SEPTIN9: variants seen among roughly 807,000 people sequenced by gnomAD.
SEPTIN9 encodes the protein septin 9, also known as septin-9.
A neutral mutation model predicts 56.6 loss-of-function variants in SEPTIN9; 13 were observed. That is an observed-to-expected ratio of 0.23 (90% CI 0.15 to 0.37). The LOEUF (loss-of-function observed/expected upper bound fraction) is 0.37. Among genes scored for constraint, SEPTIN9 ranks in the 10% least tolerant of loss-of-function variants. SEPTIN9 has a pLI of 1.00. For synonymous variants in SEPTIN9, 332 were observed against 334.1 expected, an observed-to-expected ratio of 0.99 and a Z score of 0.07; for missense variants, 650 against 823.1, an observed-to-expected ratio of 0.79 and a Z score of 2.57.
At chr17:77,414,572 C>CT (rs559525322) in intron 3 of SEPTIN9, among the ~76,000 whole-genome samples, 2,475 of 123,614 alleles carry the variant, frequency 0.02, 57 homozygotes, top group South Asian at 0.032. Context: ...TGTGTGGATT[C>CT]TTTTTTTTTT....
At chr17:77,489,229 C>T (rs544720272) in intron 7 of SEPTIN9, among the ~76,000 whole-genome samples, 2 of 152,294 alleles carry the variant, frequency 1.3e-5, no homozygotes, top group South Asian at 2.1e-4. Flanking sequence ...CCTTCTCATC[C>T]GGGCCCTGCC....
chr17:77,314,020 C>T (rs937136540), intron 2 of SEPTIN9, among the ~76,000 whole-genome samples: 2 of 152,110 alleles, frequency 1.3e-5, no homozygotes, highest in Admixed American at 6.5e-5. Flanking sequence ...GGCAACATGA[C>T]GAGACCCCGT....
At position 77,389,003 on chromosome 17, in the gene SEPTIN9, C is replaced by G. The variant is rs1048721477; in HGVS notation, c.77-13056C>G. The stretch of plus-strand genomic sequence containing the variant: ...TTGTCCGGGAGGCTGGACCCTCACA[C>G]CGATGCTGCCTGTGCCTGGCAGCTC... On this transcript the variant is annotated intron_variant, in intron 2 of 11. Transcript: ENST00000427177. The surrounding 1 kb of genome is among the most constrained non-coding windows in gnomAD (Gnocchi z 4.3). Among the ~76,000 whole-genome samples, 1 of 151,976 alleles carries G rather than the reference C, an allele frequency of 6.6e-6. No individual in the cohort carries two copies. The highest frequency in any genetic ancestry group is 2.4e-5 in the African/African-American group (1 of 41,370).
intron 2 of SEPTIN9, among the ~76,000 whole-genome samples, chr17:77,314,556 C>T (rs1040207843): frequency 6.6e-6 from 1 of 152,042 alleles, no homozygotes; most frequent in Admixed American, 6.6e-5. Flanking sequence ...GGAGGATTTA[C>T]TGGAACGTGT....
chr17:77,392,401 G>A (rs962824452), intron 2 of SEPTIN9, among the ~76,000 whole-genome samples: 2 of 152,192 alleles, frequency 1.3e-5, no homozygotes, highest in Admixed American at 6.5e-5. Flanking sequence ...TACTATTGAC[G>A]CTCCCTGCAC....
In SEPTIN9 at chr17:77,323,308, G is replaced by A. The variant is rs1341662171; in HGVS notation, c.76+16111G>A. On this transcript the variant is annotated intron_variant, in intron 2 of 11. Coordinates refer to ENST00000427177, the MANE Select transcript of SEPTIN9 (RefSeq NM_001113491.2). The surrounding 1 kb of genome is among the most constrained non-coding windows in gnomAD (Gnocchi z 6.8). ...CCACTCCTTCCAGCCAAGGGTCGGA[G>A]CTTTTTTTTTGTTCTGGAACGGCTT... Among the ~76,000 whole-genome samples, 3 of 152,108 alleles carry A rather than the reference G, an allele frequency of 2.0e-5. No individual in the cohort carries two copies. Among genetic ancestry groups the A allele is most frequent in the African/African-American group, 7.3e-5 (3 of 41,362 alleles).
At chr17:77,342,039 C>T (rs1336369427) in intron 2 of SEPTIN9, among the ~76,000 whole-genome samples, 13 of 149,170 alleles carry the variant, frequency 8.7e-5, no homozygotes, top group South Asian at 2.1e-4. Context: ...GCCGAGATCG[C>T]GCCGCTGCAC....
rs547578648 is a variant in SEPTIN9 at position 77,425,371 on chromosome 17, C to T, written c.721+22668C>T. On this transcript the variant is annotated intron_variant, in intron 3 of 11. Transcript: ENST00000427177. The surrounding 1 kb of genome is among the most constrained non-coding windows in gnomAD (Gnocchi z 4.2). ...TGCCTGCAGCTGAGAGCCCTTGACC[C>T]GCACCTGAGGGCTTCAGAGGTCCGG... is the stretch of plus-strand genomic sequence containing the variant. 1.3e-5 allele frequency among the ~76,000 whole-genome samples: 2 copies of T among 152,326 alleles called. No homozygotes were observed. Among genetic ancestry groups the T allele is most frequent in the Admixed American group, 6.5e-5 (1 of 15,302 alleles).
intron 3 of SEPTIN9, among the ~76,000 whole-genome samples, chr17:77,471,307 C>A (rs528635137): frequency 6.6e-6 from 1 of 152,316 alleles, no homozygotes; most frequent in Admixed American, 6.5e-5. Context: ...CCTCCAGCCC[C>A]CTGCTGTCTC....
intron 3 of SEPTIN9, among the ~76,000 whole-genome samples, chr17:77,459,819 G>A (rs2038380671): frequency 6.6e-6 from 1 of 152,112 alleles, no homozygotes; most frequent in African/African-American, 2.4e-5. Context: ...GGGATTACAG[G>A]CGCATGCCAC....
chr17:77,419,251 C>T (rs564950175), intron 3 of SEPTIN9, among the ~76,000 whole-genome samples: 3 of 152,318 alleles, frequency 2.0e-5, no homozygotes, highest in East Asian at 3.9e-4. Context: ...GCTGTGGCAG[C>T]GCTTGGGGTG....
Position 77,499,879 on chromosome 17 carries a change from G to C in SEPTIN9, c.*1221G>C. ...CAGAGCCCATGGTAACGAACCCCTA[G>C]AAAGGAGAGAACGGGCGTCAGGGGT... On this transcript the variant is annotated 3_prime_UTR_variant, in exon 12 of 12. Coordinates refer to ENST00000427177, the MANE Select transcript of SEPTIN9 (RefSeq NM_001113491.2). 1 of 287,030 alleles carries C rather than the reference G, an allele frequency of 3.5e-6. No homozygotes were observed. The highest frequency in any genetic ancestry group is 6.7e-6 in the Non-Finnish European group (1 of 150,228). 17.8% of individuals were successfully genotyped at this position (287,030 alleles called of 1,614,324 possible).
intron 8 of SEPTIN9, among the ~76,000 whole-genome samples, chr17:77,491,805 CAA>C (rs35233871): frequency 2.2e-4 from 13 of 59,590 alleles, no homozygotes; most frequent in African/African-American, 5.9e-4. Flanking sequence ...GACTCCATCT[CAA>C]AAAAAAAAAA....
At chr17:77,307,385 C>T (rs2032313575) in intron 2 of SEPTIN9, among the ~76,000 whole-genome samples, 188 bp downstream of exon 2, 2 of 152,232 alleles carry the variant, frequency 1.3e-5, no homozygotes. Flanking sequence ...CCTGTCGACG[C>T]TGCCCTGCTG....
At position 77,429,315 on chromosome 17, in the gene SEPTIN9, G is replaced by A. The variant is rs774415668; in HGVS notation, c.721+26612G>A. On this transcript the variant is annotated intron_variant, in intron 3 of 11. Coordinates refer to ENST00000427177, the MANE Select transcript of SEPTIN9 (RefSeq NM_001113491.2). This position sits in a 1 kb window ranked among gnomAD's most constrained non-coding sequence, Gnocchi z 5.2. ...GTCAGCACGCAGGCCTCCTGCCCTC[G>A]CCACGACTGGCTCCTGCAGCCCACC... The A allele has an allele frequency of 2.8e-5, 13 of 468,858 alleles. No homozygotes were observed. Among genetic ancestry groups the A allele is most frequent in the South Asian group, 9.3e-5 (6 of 64,438 alleles). 29.0% of individuals were successfully genotyped at this position (468,858 alleles called of 1,614,324 possible).
intron 3 of SEPTIN9, among the ~76,000 whole-genome samples, chr17:77,417,839 G>C (rs919599623): frequency 6.6e-6 from 1 of 152,180 alleles, no homozygotes; most frequent in Non-Finnish European, 1.5e-5. Context: ...TCCTACCGGA[G>C]GGGGGGTTCC....
intron 3 of SEPTIN9, among the ~76,000 whole-genome samples, chr17:77,438,137 T>C (rs1322787750): frequency 6.6e-6 from 1 of 152,182 alleles, no homozygotes; most frequent in Non-Finnish European, 1.5e-5. Context: ...GGAGAAGCCG[T>C]TGGGCCGAGG....
At chr17:77,448,363 C>T (rs910341028) in intron 3 of SEPTIN9, among the ~76,000 whole-genome samples, 2 of 152,054 alleles carry the variant, frequency 1.3e-5, no homozygotes, top group East Asian at 1.9e-4. Context: ...GTAGTCCCAG[C>T]TACTTGGGAG....
rs565100738 is a variant in SEPTIN9, at chr17:77,476,014, G to A, written c.722-6130G>A. 30 of 1,176,204 alleles carry A rather than the reference G, an allele frequency of 2.6e-5. No individual in the cohort carries two copies. In the African/African-American group the frequency reaches 4.0e-4, roughly 16 times the overall value. 72.9% of individuals were successfully genotyped at this position (1,176,204 alleles called of 1,614,324 possible). On this transcript the variant is annotated intron_variant, in intron 3 of 11. Transcript: ENST00000427177. The surrounding 1 kb of genome is among the most constrained non-coding windows in gnomAD (Gnocchi z 6.0). Reference sequence around the variant, plus strand: ...TTGACCCTGAGCACTTTGTCCTGGGGTGCAGGCCCGGCTGTCACTCCCCTG... The same window carrying A: ...TTGACCCTGAGCACTTTGTCCTGGGATGCAGGCCCGGCTGTCACTCCCCTG...
Sources: allele counts gnomAD v4.1 joint callset (sites outside exome capture counted in the v4.1 genomes callset), GRCh38; gene constraint gnomAD v4.1.1; non-coding constraint Gnocchi (gnomAD v3.1); transcripts MANE v1.5; gene names NCBI Gene and HGNC (gene_info 2026-07-23, HGNC 2026-07-21).